The following TACC2 variants were observed in gnomAD, a reference collection of about 807,000 sequenced individuals.
TACC2 encodes transforming acidic coiled-coil containing protein 2, also known as transforming acidic coiled-coil-containing protein 2.
TACC2 carries 137 observed loss-of-function variants against 227.3 expected under a neutral mutation model. That is an observed-to-expected ratio of 0.60 (90% CI 0.52 to 0.69). TACC2 has a LOEUF of 0.69. Ranked by LOEUF, TACC2 falls within the 30% of genes least tolerant of loss-of-function variation. The probability of loss-of-function intolerance (pLI) is 0.00; values close to 1 mark genes in which losing one functional copy is unlikely to be tolerated. For missense variants in TACC2, 3,470 were observed against 3,694.4 expected (o/e 0.94, Z 1.57); for synonymous variants, 1,523 against 1,487.5 (o/e 1.02, Z -0.55).
At chr10:122,041,114 A>G (rs1771077880) in intron 2 of TACC2, among the ~76,000 whole-genome samples, 1 of 152,240 alleles carries the variant, frequency 6.6e-6, no homozygotes, top group Admixed American at 6.5e-5. Context: ...CTGGTCATCA[A>G]GAAAGGCTGA....
intron 2 of TACC2, among the ~76,000 whole-genome samples, chr10:122,031,942 A>T (rs887876163): frequency 4.1e-5 from 6 of 147,656 alleles, no homozygotes; most frequent in African/African-American, 1.5e-4. Context: ...TCCTGACCTC[A>T]GGTGATCCTC....
intron 5 of TACC2, among the ~76,000 whole-genome samples, chr10:122,115,169 C>G (rs760226014): frequency 5.3e-5 from 8 of 152,174 alleles, no homozygotes; most frequent in Non-Finnish European, 8.8e-5. Flanking sequence ...AAGGATATGT[C>G]TGGTTCACAA....
intron 10 of TACC2, 53 bp from the exon 11 acceptor site, chr10:122,216,574 G>C: frequency 6.3e-7 from 1 of 1,580,098 alleles, no homozygotes; most frequent in Non-Finnish European, 8.6e-7. Context: ...GGTGGGCACA[G>C]TTTCTGACCA....
chr10:122,033,241 C>A, intron 2 of TACC2: 3 of 891,380 alleles, frequency 3.4e-6, no homozygotes, highest in Non-Finnish European at 3.2e-6. Flanking sequence ...GTGTCATGTG[C>A]ATTTATATAT....
chr10:122,006,859 ATTT>A (rs34965370), intron 1 of TACC2, among the ~76,000 whole-genome samples: 91 of 107,014 alleles, frequency 8.5e-4, no homozygotes, highest in Middle Eastern at 4.8e-3. Flanking sequence ...TGCTTTCCTG[ATTT>A]TTTTTTTTTT....
At chr10:122,092,018 G>T (rs1004607787) in intron 5 of TACC2, among the ~76,000 whole-genome samples, 3 of 152,234 alleles carry the variant, frequency 2.0e-5, no homozygotes, top group African/African-American at 7.2e-5. Flanking sequence ...TTCAAGCGCT[G>T]GAGCGTGCCC....
intron 6 of TACC2, among the ~76,000 whole-genome samples, chr10:122,136,526 T>C (rs1468851981): frequency 8.7e-6 from 1 of 115,210 alleles, no homozygotes; most frequent in Non-Finnish European, 1.9e-5. Context: ...TATGTGTGTA[T>C]GTATGTTTGT....
At chr10:122,112,921 G>A (rs992878417) in intron 5 of TACC2, 3 of 152,016 alleles carry the variant, frequency 2.0e-5, no homozygotes, top group African/African-American at 7.2e-5. Context: ...CGGGCGCCCT[G>A]CGCGAGCAGC....
chr10:122,150,231 C>G lies in TACC2; in HGVS notation c.5834+6525C>G, dbSNP rs567801263. On this transcript the variant is annotated intron_variant, in intron 7 of 22. Coordinates refer to ENST00000369005, the MANE Select transcript of TACC2 (RefSeq NM_206862.4). The surrounding 1 kb of genome is among the most constrained non-coding windows in gnomAD (Gnocchi z 4.0). ...CTTGTGACGCCATCTGGGCGGCAGT[C>G]CCACGGCCCCTAGAGCAGCTGGGAA... Among the ~76,000 whole-genome samples the G allele has an allele frequency of 1.4e-4, 21 of 152,358 alleles. No individual in the cohort carries two copies. Among genetic ancestry groups the G allele is most frequent in the Non-Finnish European group, 3.1e-4 (21 of 68,040 alleles).
Position 122,224,738 on chromosome 10 carries a change from G to A in TACC2, c.7559G>A (p.Arg2520Lys), listed in dbSNP as rs773293574. 5 of 1,613,892 alleles carry A rather than the reference G, an allele frequency of 3.1e-6. No individual in the cohort carries two copies. The African/African-American group carries it at 6.7e-5, about 22-fold the overall frequency. Residue 2520 changes from arginine to lysine, a missense_variant, in exon 12 of 23, where the codon AGA becomes AAA. Physicochemically the swap from Arg to Lys is conservative, Grantham distance 26. Around this residue, in one of 10 missense-constraint regions of TACC2, gnomAD observed 345 missense variants for 354.4 expected, o/e 0.97. Coordinates refer to ENST00000369005, the MANE Select transcript of TACC2 (RefSeq NM_206862.4). ...FSSPTEELDY[R>K]NSYEIEYMEK... Reference sequence around the variant, plus strand: ...TTTGTTTTTGCAGAGTTGGATTACAGAAACTCCTATGAAATTGAATATATG... The same window carrying A: ...TTTGTTTTTGCAGAGTTGGATTACAAAAACTCCTATGAAATTGAATATATG...
In TACC2 at chr10:122,205,615, C is replaced by G. The variant is rs1298909207; in HGVS notation, c.5972-4782C>G. Among the ~76,000 whole-genome samples the G allele has an allele frequency of 1.3e-5, 2 of 152,194 alleles. No individual in the cohort carries two copies. Among genetic ancestry groups the G allele is most frequent in the African/African-American group, 2.4e-5 (1 of 41,462 alleles). ...GCAGATGAGGTGAGATAGCCCAGTTCCAGACTTCCCGATGAGGAGGCGCAC... is the reference window on the plus strand; with the variant it reads ...GCAGATGAGGTGAGATAGCCCAGTTGCAGACTTCCCGATGAGGAGGCGCAC... On this transcript the variant is annotated intron_variant, in intron 8 of 22. Coordinates refer to ENST00000369005, the MANE Select transcript of TACC2 (RefSeq NM_206862.4). The surrounding 1 kb of genome is among the most constrained non-coding windows in gnomAD (Gnocchi z 4.5).
At chr10:122,151,037 TG>T (rs887245692) in intron 7 of TACC2, among the ~76,000 whole-genome samples, 3 of 152,178 alleles carry the variant, frequency 2.0e-5, no homozygotes, top group Admixed American at 6.5e-5. Context: ...ACCCACCTCT[TG>T]GGGGTTATTG....
chr10:122,169,837 A>G (rs1326115127), intron 7 of TACC2, among the ~76,000 whole-genome samples: 3 of 152,058 alleles, frequency 2.0e-5, no homozygotes, highest in Non-Finnish European at 4.4e-5. Flanking sequence ...TGCAGCCTTC[A>G]TCTCCCAGGC....
intron 8 of TACC2, among the ~76,000 whole-genome samples, chr10:122,198,908 G>A (rs1345376977): frequency 6.6e-6 from 1 of 152,276 alleles, no homozygotes; most frequent in Non-Finnish European, 1.5e-5. Context: ...CCACGCCCCC[G>A]AGGCAAAGGA....
At chr10:122,242,412 A>T (rs1383658595) in intron 19 of TACC2, among the ~76,000 whole-genome samples, 2 of 152,206 alleles carry the variant, frequency 1.3e-5, no homozygotes, top group African/African-American at 4.8e-5. Context: ...CCTTTCCACA[A>T]GGACCCAGGG....
chr10:122,072,113 G>C (rs1003168649), intron 3 of TACC2, among the ~76,000 whole-genome samples: 3 of 151,052 alleles, frequency 2.0e-5, no homozygotes, highest in Non-Finnish European at 4.4e-5. Context: ...CGAGTAGCTG[G>C]GACTACAGGC....
At chr10:122,105,004 A>C (rs2082589515) in intron 5 of TACC2, among the ~76,000 whole-genome samples, 1 of 152,230 alleles carries the variant, frequency 6.6e-6, no homozygotes, top group Non-Finnish European at 1.5e-5. Context: ...GCCAGGATGT[A>C]GCAGCACTTG....
At chr10:122,054,797 G>A (rs530972998) in intron 3 of TACC2, among the ~76,000 whole-genome samples, 1 of 152,178 alleles carries the variant, frequency 6.6e-6, no homozygotes, top group African/African-American at 2.4e-5. Context: ...CCAGGCAATG[G>A]TAATTGACAC....
chr10:122,232,255 T>C (rs1350166470), intron 16 of TACC2, among the ~76,000 whole-genome samples: 1 of 152,186 alleles, frequency 6.6e-6, no homozygotes, highest in African/African-American at 2.4e-5. Context: ...ACAGAATGAA[T>C]TGCATGCAGT....
Sources: gnomAD v4.1 joint callset for allele counts (sites outside exome capture counted in the v4.1 genomes callset) on GRCh38, gnomAD v4.1.1 for gene constraint, gnomAD v4.1.1 regional missense constraint, Gnocchi (gnomAD v3.1) non-coding constraint, MANE v1.5 for transcripts, NCBI Gene and HGNC (gene_info 2026-07-23, HGNC 2026-07-21) for gene names.